The following STAP1 variants were observed in gnomAD, a reference collection of about 807,000 sequenced individuals.
The protein encoded by STAP1 is signal transducing adaptor family member 1.
Under a neutral mutation model 37.8 loss-of-function variants are expected in STAP1, and 30 were observed. That is an observed-to-expected ratio of 0.79 (90% CI 0.59 to 1.08). The LOEUF (loss-of-function observed/expected upper bound fraction) is 1.08. Ranked by LOEUF, STAP1 falls within the 50% of genes least tolerant of loss-of-function variation. The probability of loss-of-function intolerance (pLI) is 0.00; values close to 1 mark genes in which losing one functional copy is unlikely to be tolerated. For synonymous variants in STAP1, 130 were observed against 116.0 expected, an observed-to-expected ratio of 1.12 and a Z score of -0.78; for missense variants, 357 against 349.4, an observed-to-expected ratio of 1.02 and a Z score of -0.17.
chr4:67,582,514 C>T (rs1312954273), intron 5 of STAP1, among the ~76,000 whole-genome samples: 1 of 151,902 alleles, frequency 6.6e-6, no homozygotes, highest in Non-Finnish European at 1.5e-5. Flanking sequence ...TGCCATGTTG[C>T]CCAGGCTGGT....
At chr4:67,598,613 T>C (rs1401337696) in intron 8 of STAP1, among the ~76,000 whole-genome samples, 1 of 152,200 alleles carries the variant, frequency 6.6e-6, no homozygotes. Context: ...TTTTGCCCAT[T>C]TTTAGTTGTT....
At position 67,566,432 on chromosome 4, in the gene STAP1, T is replaced by A. The variant is rs149484160; in HGVS notation, c.121-4652T>A. Among the ~76,000 whole-genome samples the A allele has an allele frequency of 1.3e-5, 2 of 152,292 alleles. 1 individual carries two copies. Among genetic ancestry groups the A allele is most frequent in the Non-Finnish European group, 2.9e-5 (2 of 68,030 alleles). On this transcript the variant is annotated intron_variant, in intron 1 of 8. Coordinates refer to ENST00000265404, the MANE Select transcript of STAP1 (RefSeq NM_012108.4). ...ACTGTGCTTATATTTTACTCCAGATTTGGGTAGCCTTGAGCTACATCAAGT... is the reference window on the plus strand; with the variant it reads ...ACTGTGCTTATATTTTACTCCAGATATGGGTAGCCTTGAGCTACATCAAGT...
intron 4 of STAP1, among the ~76,000 whole-genome samples, chr4:67,580,964 G>A (rs1029831245): frequency 6.6e-6 from 1 of 152,124 alleles, no homozygotes. Flanking sequence ...GAAAATCCCT[G>A]GCATTGATGA....
Position 67,560,635 on chromosome 4 carries a change from T to TGTGTGGGG in STAP1, c.120+1711_120+1712insGGGGTGTG, listed in dbSNP as rs1218321115. Among the ~76,000 whole-genome samples, 15 of 61,314 alleles carry TGTGTGGGG rather than the reference T, an allele frequency of 2.4e-4. No homozygotes were observed. In the East Asian group the frequency reaches 2.6e-3, roughly 11 times the overall value. 40.2% of individuals were successfully genotyped at this position (61,314 alleles called of 152,430 possible). The stretch of plus-strand genomic sequence containing the variant: ...TTGAATTTATAGTAAAGTATCTTTG[T>TGTGTGGGG]GTGTGTGGGTGTGTGTCTGTGTGTG... On this transcript the variant is annotated intron_variant, in intron 1 of 8. Coordinates refer to ENST00000265404, the MANE Select transcript of STAP1 (RefSeq NM_012108.4).
chr4:67,602,837 C>G (rs1172690784), intron 8 of STAP1, among the ~76,000 whole-genome samples: 1 of 152,056 alleles, frequency 6.6e-6, no homozygotes, highest in Non-Finnish European at 1.5e-5. Context: ...TACCTGGAGC[C>G]AGCACAGCAC....
rs1402220754 is a variant in STAP1, at chr4:67,593,252, TAA to T, written c.730-7_730-6del. On this transcript the variant is annotated splice_polypyrimidine_tract_variant and splice_region_variant and intron_variant, in intron 7 of 8. Coordinates refer to ENST00000265404, the MANE Select transcript of STAP1 (RefSeq NM_012108.4). ...TGCTGAGTTTTCTCTCACTCTCTAT[TAA>T]TACAGGTAACACTCCCAAACCTTTT... is the stretch of plus-strand genomic sequence containing the variant. The T allele has an allele frequency of 6.2e-7, 1 of 1,604,854 alleles. No individual in the cohort carries two copies. Among genetic ancestry groups the T allele is most frequent in the Non-Finnish European group, 8.5e-7 (1 of 1,174,256 alleles).
At chr4:67,559,684 T>TA (rs921004519) in intron 1 of STAP1, among the ~76,000 whole-genome samples, 45 of 152,116 alleles carry the variant, frequency 3.0e-4, no homozygotes, top group African/African-American at 1.0e-3. Flanking sequence ...TGTTATTAAA[T>TA]AAAAAAATCA....
At chr4:67,566,798 C>T (rs1374724755) in intron 1 of STAP1, among the ~76,000 whole-genome samples, 5 of 151,962 alleles carry the variant, frequency 3.3e-5, no homozygotes, top group African/African-American at 2.4e-5. Context: ...GGTGAAACTC[C>T]GTCTCTACTA....
chr4:67,600,603 T>C (rs561162545), intron 8 of STAP1, among the ~76,000 whole-genome samples: 1 of 152,178 alleles, frequency 6.6e-6, no homozygotes, highest in Non-Finnish European at 1.5e-5. Context: ...CTAGCTATTA[T>C]TGTACTGGGG....
chr4:67,588,558 C>T (rs1454066407), intron 6 of STAP1, among the ~76,000 whole-genome samples: 1 of 151,858 alleles, frequency 6.6e-6, no homozygotes, highest in Admixed American at 6.6e-5. Context: ...TACAGGTGCC[C>T]ACCACCACGC....
chr4:67,594,956 G>C (rs955117614), intron 8 of STAP1, among the ~76,000 whole-genome samples: 1 of 152,114 alleles, frequency 6.6e-6, no homozygotes, highest in East Asian at 1.9e-4. Context: ...GTGCATGTGT[G>C]TGATTGGGAA....
intron 8 of STAP1, among the ~76,000 whole-genome samples, chr4:67,602,059 T>C (rs1179143013): frequency 6.6e-6 from 1 of 152,006 alleles, no homozygotes; most frequent in Non-Finnish European, 1.5e-5. Flanking sequence ...TTGTCTCCTC[T>C]GTGCATCTTC....
At position 67,593,318 on chromosome 4, in the gene STAP1, A is replaced by G; in HGVS notation, c.788A>G (p.Asn263Ser). The G allele has an allele frequency of 1.2e-6, 2 of 1,613,394 alleles. No homozygotes were observed. The highest frequency in any genetic ancestry group is 1.7e-6 in the Non-Finnish European group (2 of 1,179,620). ...IDYFVKETRG[N>S]LRPFICSTDE... ...TATTTTGTGAAGGAGACTCGAGGAA[A>G]TTTAAGACCATTTATATGTTCAACT... The change falls in exon 8 of 9, where the codon AAT becomes AGT. Residue 263 changes from asparagine to serine, a missense_variant. Transcript: ENST00000265404.
In STAP1 at chr4:67,578,230, T is replaced by C. The variant is rs138703548; in HGVS notation, c.363+971T>C. On this transcript the variant is annotated intron_variant, in intron 4 of 8. Coordinates refer to ENST00000265404, the MANE Select transcript of STAP1 (RefSeq NM_012108.4). Reference sequence around the variant, plus strand: ...CACTGTAGCAATTGCCTTGGAAACATGACGTTCTTTGATAACCAGCCTCCC... The same window carrying C: ...CACTGTAGCAATTGCCTTGGAAACACGACGTTCTTTGATAACCAGCCTCCC... Among the ~76,000 whole-genome samples, 714 of 152,308 alleles carry C rather than the reference T, an allele frequency of 4.7e-3. 1 individual carries two copies. Among genetic ancestry groups the C allele is most frequent in the Non-Finnish European group, 7.2e-3 (487 of 68,022 alleles).
rs370634148 is a variant in STAP1 at position 67,581,511 on chromosome 4, T to A, written c.530+40T>A. The A allele has an allele frequency of 5.1e-6, 8 of 1,563,958 alleles. No individual in the cohort carries two copies. In the East Asian group the frequency reaches 1.8e-4, roughly 35 times the overall value. On this transcript the variant is annotated intron_variant, in intron 5 of 8. Coordinates refer to ENST00000265404, the MANE Select transcript of STAP1 (RefSeq NM_012108.4). ...AACTGCAGTTTATTCATTCGATTGT[T>A]AAAACTAATTTCTAATTATAAAGGA...
intron 8 of STAP1, among the ~76,000 whole-genome samples, chr4:67,605,245 G>A (rs1409564308): frequency 1.3e-5 from 2 of 152,066 alleles, no homozygotes; most frequent in East Asian, 3.9e-4. Context: ...TCTCCCCTCT[G>A]CCCACCTTTC....
At chr4:67,564,275 C>T (rs1257460276) in intron 1 of STAP1, among the ~76,000 whole-genome samples, 5 of 152,146 alleles carry the variant, frequency 3.3e-5, no homozygotes, top group Non-Finnish European at 7.4e-5. Flanking sequence ...TTTATACTTG[C>T]TTTTCCCCCC....
chr4:67,583,874 G>A (rs983300105), intron 6 of STAP1, among the ~76,000 whole-genome samples, 172 bp downstream of exon 6: 1 of 152,058 alleles, frequency 6.6e-6, no homozygotes, highest in Non-Finnish European at 1.5e-5. Context: ...TGAGGCAGAC[G>A]GATCACAAGG....
At chr4:67,592,163 C>T (rs1414630236) in intron 7 of STAP1, among the ~76,000 whole-genome samples, 3 of 151,812 alleles carry the variant, frequency 2.0e-5, no homozygotes, top group African/African-American at 7.3e-5. Context: ...GCTGTGTTGC[C>T]CAGGCTTGAG....
Sources: gnomAD v4.1 joint callset for allele counts (sites outside exome capture counted in the v4.1 genomes callset) on GRCh38, gnomAD v4.1.1 for gene constraint, MANE v1.5 for transcripts, NCBI Gene and HGNC (gene_info 2026-07-23, HGNC 2026-07-21) for gene names.